Variants in CPVL observed in about 807,000 individuals in gnomAD.
The protein encoded by CPVL is probable serine carboxypeptidase CPVL.
Under a neutral mutation model 63.7 loss-of-function variants are expected in CPVL, and 51 were observed. The observed-to-expected ratio is 0.80, with a 90% CI of 0.64 to 1.01. CPVL has a LOEUF of 1.01. Among genes scored for constraint, CPVL ranks in the 50% least tolerant of loss-of-function variants. The pLI, the probability that CPVL is intolerant of heterozygous loss-of-function variation, is 0.00. For missense variants in CPVL, 530 were observed against 573.1 expected, an observed-to-expected ratio of 0.92 and a Z score of 0.77; for synonymous variants, 195 against 206.0, an observed-to-expected ratio of 0.95 and a Z score of 0.46.
intron 5 of CPVL, among the ~76,000 whole-genome samples, chr7:29,165,966 G>T (rs570858722): frequency 2.4e-4 from 37 of 152,212 alleles, no homozygotes; most frequent in African/African-American, 8.9e-4. Flanking sequence ...TTCTTTTCTT[G>T]TAATATCTTT....
chr7:29,129,265 A>G (rs73304128), intron 1 of CPVL, among the ~76,000 whole-genome samples: 5,941 of 152,256 alleles, frequency 0.039, 389 homozygotes, highest in African/African-American at 0.13. Flanking sequence ...ATATTTGCTC[A>G]TAGACCAGAC....
At position 29,071,924 on chromosome 7, in the gene CPVL, A is replaced by T. The variant is rs900622823; in HGVS notation, c.733-20T>A. On this transcript the variant is annotated intron_variant, in intron 8 of 12. Coordinates refer to ENST00000265394, the MANE Select transcript of CPVL (RefSeq NM_031311.5). ...TATAATCTGAGGACAAAAAAGACAC[A>T]CATCAATGTGACAAAGGGAGAGAAA... 6 of 1,613,776 alleles carry T rather than the reference A, an allele frequency of 3.7e-6. No individual in the cohort carries two copies. The Admixed American group carries it at 1.0e-4, about 27-fold the overall frequency.
intron 1 of CPVL, among the ~76,000 whole-genome samples, chr7:29,138,016 AAGCCAGAAAGAC>A (rs1441032970): frequency 5.9e-5 from 9 of 152,240 alleles, no homozygotes; most frequent in Non-Finnish European, 1.3e-4. Context: ...GGATGGACTT[AAGCCAGAAAGAC>A]AGCAGGCAGG....
At chr7:29,108,800 C>A (rs1312603590) in intron 3 of CPVL, among the ~76,000 whole-genome samples, 1 of 152,174 alleles carries the variant, frequency 6.6e-6, no homozygotes, top group Non-Finnish European at 1.5e-5. Flanking sequence ...CCAAGGTCAC[C>A]TTTAGCTTAA....
intron 2 of CPVL, among the ~76,000 whole-genome samples, chr7:29,115,649 A>T (rs1454197098): frequency 6.6e-6 from 1 of 152,054 alleles, no homozygotes; most frequent in East Asian, 1.9e-4. Flanking sequence ...CCCAAAAAAA[A>T]AAAGGAGAGT....
intron 3 of CPVL, among the ~76,000 whole-genome samples, chr7:29,098,307 G>A (rs1282838637): frequency 6.6e-6 from 1 of 152,110 alleles, no homozygotes; most frequent in East Asian, 1.9e-4. Context: ...AGGGCACAGA[G>A]GAACTTTCCC....
At chr7:29,030,155 G>C (rs555003203) in intron 12 of CPVL, among the ~76,000 whole-genome samples, 1 of 152,332 alleles carries the variant, frequency 6.6e-6, no homozygotes, top group Non-Finnish European at 1.5e-5. Flanking sequence ...AGTGGAAGTT[G>C]CACTAGGGTG....
At chr7:29,192,052 T>C (rs1170596505) in intron 1 of CPVL, 1 of 152,242 alleles carries the variant, frequency 6.6e-6, no homozygotes, top group African/African-American at 2.4e-5. Flanking sequence ...AACTTTCAGA[T>C]TTTAGTTCTG....
At chr7:29,085,556 TCAGA>T (rs1785117679) in intron 7 of CPVL, among the ~76,000 whole-genome samples, 1 of 152,216 alleles carries the variant, frequency 6.6e-6, no homozygotes, top group Non-Finnish European at 1.5e-5. Flanking sequence ...AATAACTGAT[TCAGA>T]CAGAGATCAG....
intron 6 of CPVL, among the ~76,000 whole-genome samples, chr7:29,087,089 A>G (rs1183485452): frequency 6.6e-6 from 1 of 152,192 alleles, no homozygotes; most frequent in Non-Finnish European, 1.5e-5. Flanking sequence ...ATAAATGTAC[A>G]GTAGGCTCTG....
intron 3 of CPVL, among the ~76,000 whole-genome samples, chr7:29,103,382 A>AC (rs1383411411): frequency 1.4e-5 from 2 of 146,410 alleles, no homozygotes; most frequent in Non-Finnish European, 3.0e-5. Flanking sequence ...AGTAGCTGGG[A>AC]TTAGAGGTGT....
At chr7:29,176,187 A>G (rs1175990533) in intron 5 of CPVL, among the ~76,000 whole-genome samples, 1 of 147,130 alleles carries the variant, frequency 6.8e-6, no homozygotes, top group Non-Finnish European at 1.5e-5. Context: ...CTCCGTCTCA[A>G]GAAAAAAAAA....
chr7:29,152,969 C>T (rs1437596437), intron 5 of CPVL, among the ~76,000 whole-genome samples: 1 of 152,246 alleles, frequency 6.6e-6, no homozygotes, highest in East Asian at 1.9e-4. Context: ...CATCCTCTAT[C>T]TGAGGGGTGG....
intron 5 of CPVL, among the ~76,000 whole-genome samples, chr7:29,169,971 G>A (rs1258785949): frequency 6.6e-6 from 1 of 151,724 alleles, no homozygotes; most frequent in Non-Finnish European, 1.5e-5. Flanking sequence ...TGAACCCCTG[G>A]GCTCAAGTGA....
chr7:29,018,163 C>T (rs772811231), intron 12 of CPVL, among the ~76,000 whole-genome samples: 13 of 151,988 alleles, frequency 8.6e-5, no homozygotes, highest in East Asian at 3.9e-4. Flanking sequence ...CAGTAAGATT[C>T]GGTAAAAATG....
intron 5 of CPVL, among the ~76,000 whole-genome samples, chr7:29,175,154 A>T (rs1797124179): frequency 6.6e-6 from 1 of 150,700 alleles, no homozygotes; most frequent in South Asian, 2.1e-4. Flanking sequence ...GTCTCATGAG[A>T]TGTGATGATT....
intron 12 of CPVL, among the ~76,000 whole-genome samples, chr7:29,004,608 G>A (rs1784990850): frequency 6.6e-6 from 1 of 152,156 alleles, no homozygotes; most frequent in Admixed American, 6.5e-5. Flanking sequence ...CTTGGGATTT[G>A]GTAGCTCAGG....
chr7:29,019,144 G>A (rs1045732538), intron 12 of CPVL, among the ~76,000 whole-genome samples: 9 of 152,182 alleles, frequency 5.9e-5, no homozygotes, highest in African/African-American at 1.7e-4. Flanking sequence ...TTGCATTGCT[G>A]GCTGAGCCCC....
Position 29,116,104 on chromosome 7 carries a change from T to C in CPVL, c.170-3282A>G, listed in dbSNP as rs149529691. On this transcript the variant is annotated intron_variant, in intron 2 of 12. Coordinates refer to ENST00000265394, the MANE Select transcript of CPVL (RefSeq NM_031311.5). ...CAATAAATACTTTTTAATGAATGAA[T>C]GTTAACAAATGAATGGATGAACAAG... 3.9e-3 allele frequency among the ~76,000 whole-genome samples: 595 copies of C among 152,322 alleles called. 4 individuals carry two copies. The highest frequency in any genetic ancestry group is 4.8e-3 in the Non-Finnish European group (329 of 68,030).
Sources: allele counts gnomAD v4.1 joint callset (sites outside exome capture counted in the v4.1 genomes callset), GRCh38; gene constraint gnomAD v4.1.1; transcripts MANE v1.5; gene names NCBI Gene and HGNC (gene_info 2026-07-23, HGNC 2026-07-21).